SLC35D4: variants seen among roughly 807,000 people sequenced by gnomAD.
SLC35D4 encodes UDP-N-acetylglucosamine transporter SLC35D4.
At chr18:23,346,517 CT>C in the SLC35D4 span, among the ~76,000 whole-genome samples, 1,235 of 143,826 alleles carry the variant, frequency 8.6e-3, 10 homozygotes, top group African/African-American at 0.025. Context: ...AATCTGGATG[CT>C]TTTTTTTTTT....
chr18:23,398,449 T>A, the SLC35D4 span, among the ~76,000 whole-genome samples: 1 of 152,158 alleles, frequency 6.6e-6, no homozygotes, highest in African/African-American at 2.4e-5. Flanking sequence ...CCAAAGGGTA[T>A]AAACTGAGGC....
At chr18:23,239,650 G>A in the SLC35D4 span, among the ~76,000 whole-genome samples, 2 of 152,198 alleles carry the variant, frequency 1.3e-5, no homozygotes, top group Non-Finnish European at 2.9e-5. Flanking sequence ...GAATTCGCCT[G>A]TTGAACCAAG....
the SLC35D4 span, among the ~76,000 whole-genome samples, chr18:23,281,255 T>C: frequency 1.3e-5 from 2 of 152,342 alleles, no homozygotes; most frequent in Admixed American, 6.5e-5. Flanking sequence ...TAAAGTGTAC[T>C]GAATTGTACA....
the SLC35D4 span, among the ~76,000 whole-genome samples, chr18:23,270,469 G>A: frequency 6.6e-6 from 1 of 152,218 alleles, no homozygotes. Flanking sequence ...AGTCCCCACT[G>A]GGGCACCGCC....
chr18:23,391,344 C>A, the SLC35D4 span, among the ~76,000 whole-genome samples: 1 of 152,136 alleles, frequency 6.6e-6, no homozygotes, highest in Admixed American at 6.6e-5. Context: ...CAGAGACCTG[C>A]TCCTACTGAA....
chr18:23,423,674 T>C, the SLC35D4 span, among the ~76,000 whole-genome samples: 1 of 152,160 alleles, frequency 6.6e-6, no homozygotes, highest in Non-Finnish European at 1.5e-5. Context: ...CCAGGTACTA[T>C]AAGCCACTCT....
the SLC35D4 span, chr18:23,257,317 C>G: frequency 6.2e-7 from 1 of 1,613,948 alleles, no homozygotes. Flanking sequence ...CCTCCACTTG[C>G]CCGAGCACGA....
chr18:23,315,602 C>T, the SLC35D4 span, among the ~76,000 whole-genome samples: 1 of 152,202 alleles, frequency 6.6e-6, no homozygotes, highest in Non-Finnish European at 1.5e-5. Flanking sequence ...GGTCACAATG[C>T]TGTTTTGTTT....
chr18:23,359,183 A>G, the SLC35D4 span, among the ~76,000 whole-genome samples: 69 of 152,226 alleles, frequency 4.5e-4, no homozygotes, highest in African/African-American at 1.6e-3. Flanking sequence ...TCAGGAGTTC[A>G]AGACCAGCCT....
chr18:23,335,181 G>A, the SLC35D4 span, among the ~76,000 whole-genome samples: 1 of 152,126 alleles, frequency 6.6e-6, no homozygotes, highest in Non-Finnish European at 1.5e-5. Flanking sequence ...CCGGGTACCA[G>A]GCCACCAAGA....
chr18:23,373,724 G>C, the SLC35D4 span: 1 of 1,613,838 alleles, frequency 6.2e-7, no homozygotes, highest in Non-Finnish European at 8.5e-7. Flanking sequence ...GGGAGTCATT[G>C]AAGGGAAGGC....
chr18:23,412,501 A>T, the SLC35D4 span, among the ~76,000 whole-genome samples: 3 of 152,010 alleles, frequency 2.0e-5, no homozygotes, highest in East Asian at 5.8e-4. Context: ...TTGGTCCACT[A>T]CTGGTGACTA....
the SLC35D4 span, among the ~76,000 whole-genome samples, chr18:23,327,169 A>G: frequency 1.3e-5 from 2 of 152,126 alleles, no homozygotes; most frequent in Non-Finnish European, 2.9e-5. Context: ...AAATTCAAAA[A>G]CTAGCAGAAG....
chr18:23,275,989 G>T, the SLC35D4 span, among the ~76,000 whole-genome samples: 678 of 152,294 alleles, frequency 4.5e-3, 5 homozygotes, highest in Non-Finnish European at 7.7e-3. Flanking sequence ...TTCTGTTACG[G>T]ATGATGAAAA....
chr18:23,374,048 A>T, the SLC35D4 span, among the ~76,000 whole-genome samples: 1 of 152,242 alleles, frequency 6.6e-6, no homozygotes, highest in Non-Finnish European at 1.5e-5. Context: ...CACTTGAGGA[A>T]AATAGTGTGC....
the SLC35D4 span, among the ~76,000 whole-genome samples, chr18:23,345,555 A>G: frequency 1.3e-5 from 2 of 150,140 alleles, no homozygotes; most frequent in Admixed American, 6.7e-5. Context: ...AAATTAATTG[A>G]CCATAAATGC....
At chr18:23,318,243 G>T in the SLC35D4 span, among the ~76,000 whole-genome samples, 10 of 152,224 alleles carry the variant, frequency 6.6e-5, no homozygotes, top group Admixed American at 2.0e-4. Context: ...GTCTTCTTTG[G>T]AGAACTGTCT....
the SLC35D4 span, among the ~76,000 whole-genome samples, chr18:23,404,565 C>T: frequency 3.7e-3 from 564 of 150,758 alleles, 3 homozygotes; most frequent in African/African-American, 0.013. Context: ...CCCAGCTACT[C>T]GGGAGGCTGA....
the SLC35D4 span, among the ~76,000 whole-genome samples, chr18:23,302,815 C>A: frequency 6.6e-6 from 1 of 152,198 alleles, no homozygotes; most frequent in African/African-American, 2.4e-5. Flanking sequence ...CACACGCCAA[C>A]GTGAAGAGGC....
Sources: gnomAD v4.1 joint callset for allele counts (sites outside exome capture counted in the v4.1 genomes callset) on GRCh38, gnomAD v4.1.1 for gene constraint, MANE v1.5 for transcripts, NCBI Gene and HGNC (gene_info 2026-07-23, HGNC 2026-07-21) for gene names.